PTPRG: variants seen among roughly 807,000 people sequenced by gnomAD.
PTPRG encodes the protein receptor-type tyrosine-protein phosphatase gamma.
A neutral mutation model predicts 165.3 loss-of-function variants in PTPRG; 102 were observed. The observed-to-expected ratio is 0.62, with a 90% CI of 0.53 to 0.73. The LOEUF (loss-of-function observed/expected upper bound fraction) is 0.73, where lower values mean the gene tolerates loss of function less well. PTPRG is among the 30% of genes least tolerant of loss of function. The pLI is 0.00. For missense variants in PTPRG, 1,866 were observed against 1,861.4 expected (o/e 1.00, Z -0.05); for synonymous variants, 675 against 669.5 (o/e 1.01, Z -0.13).
chr3:62,135,822 G>A (rs1703688554), intron 6 of PTPRG, among the ~76,000 whole-genome samples: 1 of 152,166 alleles, frequency 6.6e-6, no homozygotes, highest in South Asian at 2.1e-4. Context: ...GCTGAAGGCA[G>A]CTGTAAGGAA....
chr3:62,078,385 C>A, intron 5 of PTPRG, 127 bp downstream of exon 5: 1 of 613,816 alleles, frequency 1.6e-6, no homozygotes, highest in Non-Finnish European at 2.8e-6. Flanking sequence ...AAAGATATTT[C>A]ATATTGTCTA....
At chr3:61,655,534 T>TTTTCTTGAAGA in intron 1 of PTPRG, among the ~76,000 whole-genome samples, 1 of 152,292 alleles carries the variant, frequency 6.6e-6, no homozygotes, top group Middle Eastern at 3.4e-3. Context: ...AGTTGTAACT[T>TTTTCTTGAAGA]TTTCTTGAAG....
At chr3:61,840,906 C>T (rs867465619) in intron 2 of PTPRG, among the ~76,000 whole-genome samples, 1 of 151,558 alleles carries the variant, frequency 6.6e-6, no homozygotes, top group Non-Finnish European at 1.5e-5. Flanking sequence ...CTCAGCCTCC[C>T]GAGTAGCTGG....
chr3:61,810,305 A>G (rs897040199), intron 2 of PTPRG, among the ~76,000 whole-genome samples: 23 of 152,342 alleles, frequency 1.5e-4, no homozygotes, highest in Admixed American at 8.5e-4. Context: ...GAAGTGATGC[A>G]TGGGCAGGAG....
At chr3:61,891,549 A>C (rs2038214944) in intron 2 of PTPRG, among the ~76,000 whole-genome samples, 1 of 152,238 alleles carries the variant, frequency 6.6e-6, no homozygotes, top group African/African-American at 2.4e-5. Flanking sequence ...CAACCTGAGA[A>C]TCACCTAATG....
At chr3:61,658,367 G>A (rs957249106) in intron 1 of PTPRG, among the ~76,000 whole-genome samples, 5 of 152,144 alleles carry the variant, frequency 3.3e-5, no homozygotes, top group Non-Finnish European at 5.9e-5. Flanking sequence ...AAGGTTAGAG[G>A]AGGCAACGTG....
chr3:62,000,069 A>G (rs571639742), intron 3 of PTPRG, among the ~76,000 whole-genome samples: 2 of 152,238 alleles, frequency 1.3e-5, no homozygotes, highest in East Asian at 1.9e-4. Context: ...TTGGGAGGCC[A>G]AGGTGGGTGA....
chr3:62,190,693 ATTTATT>A lies in PTPRG; in HGVS notation c.1034-774_1034-769del, dbSNP rs1192853246. On this transcript the variant is annotated intron_variant, in intron 8 of 29. Coordinates refer to ENST00000474889, the MANE Select transcript of PTPRG (RefSeq NM_002841.4). The surrounding 1 kb of genome is among the most constrained non-coding windows in gnomAD (Gnocchi z 5.2). ...TTATTTAAAGTCTCATCTTAAATTT[ATTTATT>A]TACACTCGGACCTGTTTACAATAAG... Among the ~76,000 whole-genome samples, 1 of 152,140 alleles carries A rather than the reference ATTTATT, an allele frequency of 6.6e-6. No homozygotes were observed. Among genetic ancestry groups the A allele is most frequent in the South Asian group, 2.1e-4 (1 of 4,826 alleles).
At chr3:62,162,912 A>G (rs1488815965) in intron 7 of PTPRG, among the ~76,000 whole-genome samples, 1 of 152,210 alleles carries the variant, frequency 6.6e-6, no homozygotes, top group Non-Finnish European at 1.5e-5. Context: ...ATTGCTATAA[A>G]GAACTACCTG....
intron 4 of PTPRG, among the ~76,000 whole-genome samples, chr3:62,051,023 G>C (rs925073752): frequency 6.6e-6 from 1 of 152,184 alleles, no homozygotes; most frequent in African/African-American, 2.4e-5. Context: ...GTTATCCAAA[G>C]GAAATCAGAA....
rs117411313 is a variant in PTPRG, at chr3:62,294,809, T to C, written c.*1502T>C. 2.0e-4 allele frequency: 30 copies of C among 152,246 alleles called. No homozygotes were observed. The East Asian group carries it at 5.8e-3, about 29-fold the overall frequency. The allele number at this position is 152,246 out of a possible 1,614,324, so 9.4% of individuals were successfully genotyped here. ...AGGAAGAATAGGGTTTTATTTACTT[T>C]TTATGTCAATTAACTTCAACAAAAA... On this transcript the variant is annotated 3_prime_UTR_variant, in exon 30 of 30. Coordinates refer to ENST00000474889, the MANE Select transcript of PTPRG (RefSeq NM_002841.4).
At chr3:62,175,353 C>T (rs769780568) in intron 8 of PTPRG, among the ~76,000 whole-genome samples, 2 of 152,130 alleles carry the variant, frequency 1.3e-5, no homozygotes, top group African/African-American at 4.8e-5. Flanking sequence ...CCGTGGCACG[C>T]GCCAGTAGTC....
intron 1 of PTPRG, among the ~76,000 whole-genome samples, chr3:61,703,715 G>A (rs191680068): frequency 5.5e-4 from 84 of 152,226 alleles, no homozygotes; most frequent in African/African-American, 1.8e-3. Flanking sequence ...ACACAAATCT[G>A]TGTAAATTTC....
chr3:62,257,791 CA>C (rs1190482511), intron 16 of PTPRG, among the ~76,000 whole-genome samples: 1 of 151,934 alleles, frequency 6.6e-6, no homozygotes, highest in African/African-American at 2.4e-5. Context: ...TCTGTCTCTA[CA>C]AAAAAAATTT....
intron 3 of PTPRG, among the ~76,000 whole-genome samples, chr3:61,994,758 A>T (rs1012258747): frequency 2.6e-5 from 4 of 152,202 alleles, no homozygotes; most frequent in Admixed American, 6.5e-5. Flanking sequence ...AATCTTAACA[A>T]CCTTGGTCAC....
At chr3:61,653,266 A>G (rs1157981032) in intron 1 of PTPRG, among the ~76,000 whole-genome samples, 2 of 152,030 alleles carry the variant, frequency 1.3e-5, no homozygotes, top group East Asian at 3.9e-4. Context: ...ATGTTATGCA[A>G]TCTACTTTTT....
rs1553712763 is a variant in PTPRG at position 62,069,684 on chromosome 3, T to TGTCA, written c.520-8479_520-8478insGTCA. Among the ~76,000 whole-genome samples, 467 of 145,046 alleles carry TGTCA rather than the reference T, an allele frequency of 3.2e-3. 8 individuals carry two copies. Among genetic ancestry groups the TGTCA allele is most frequent in the South Asian group, 0.01 (45 of 4,370 alleles). On this transcript the variant is annotated intron_variant, in intron 4 of 29. Transcript: ENST00000474889. Reference sequence around the variant, plus strand: ...CTCTCTCTCTCTCTCTCTCTCTCTCTCACACACAGACACACGCACACACAC... The same window carrying TGTCA: ...CTCTCTCTCTCTCTCTCTCTCTCTCTGTCACACACACAGACACACGCACACACAC...
At chr3:62,171,706 T>G (rs1705222361) in intron 8 of PTPRG, among the ~76,000 whole-genome samples, 1 of 151,670 alleles carries the variant, frequency 6.6e-6, no homozygotes, top group East Asian at 1.9e-4. Context: ...GTGTCCCTAT[T>G]TTTTTTTAAT....
intron 1 of PTPRG, among the ~76,000 whole-genome samples, chr3:61,572,280 T>A (rs991699622): frequency 1.3e-5 from 2 of 152,226 alleles, no homozygotes; most frequent in African/African-American, 2.4e-5. Context: ...ACCTTATTTC[T>A]TCTGGAGACC....
Sources: allele counts gnomAD v4.1 joint callset (sites outside exome capture counted in the v4.1 genomes callset), GRCh38; gene constraint gnomAD v4.1.1; non-coding constraint Gnocchi (gnomAD v3.1); transcripts MANE v1.5; gene names NCBI Gene and HGNC (gene_info 2026-07-23, HGNC 2026-07-21).